The following LRRTM4 variants were observed in gnomAD, a reference collection of about 807,000 sequenced individuals.
The protein encoded by LRRTM4 is leucine rich repeat transmembrane neuronal 4, also known as leucine-rich repeat transmembrane neuronal protein 4.
LRRTM4 carries 25 observed loss-of-function variants against 47.6 expected under a neutral mutation model. That is an observed-to-expected ratio of 0.53 (90% CI 0.38 to 0.73). The LOEUF is 0.73. Ranked by LOEUF, LRRTM4 falls within the 30% of genes least tolerant of loss-of-function variation. LRRTM4 has a pLI of 0.00. For missense variants in LRRTM4, 638 were observed against 713.4 expected, an observed-to-expected ratio of 0.89 and a Z score of 1.20; for synonymous variants, 311 against 269.5, an observed-to-expected ratio of 1.15 and a Z score of -1.51.
chr2:76,916,384 CAAAAAAAAAAAAA>C (rs57874749), intron 3 of LRRTM4, among the ~76,000 whole-genome samples: 5 of 53,500 alleles, frequency 9.3e-5, no homozygotes, highest in African/African-American at 4.0e-4. Context: ...GACTGTGTCT[CAAAAAAAAAAAAA>C]AAAAAAAAAA....
At chr2:77,171,854 C>T (rs1445038458) in intron 3 of LRRTM4, among the ~76,000 whole-genome samples, 1 of 152,024 alleles carries the variant, frequency 6.6e-6, no homozygotes, top group African/African-American at 2.4e-5. Context: ...ACAAAGGCCA[C>T]TCTAGATATT....
chr2:77,022,228 A>G (rs116774136), intron 3 of LRRTM4, among the ~76,000 whole-genome samples: 1 of 152,090 alleles, frequency 6.6e-6, no homozygotes, highest in Non-Finnish European at 1.5e-5. Flanking sequence ...CTACCATGGG[A>G]ACAGTATGAG....
chr2:77,016,380 A>C (rs1189508161), intron 3 of LRRTM4, among the ~76,000 whole-genome samples: 1 of 130,664 alleles, frequency 7.7e-6, no homozygotes, highest in African/African-American at 3.1e-5. Context: ...GGAGAACTCC[A>C]TTTAAAAAAA....
At position 77,241,245 on chromosome 2, in the gene LRRTM4, CAT is replaced by C. The variant is rs1196568621; in HGVS notation, c.1551+277071_1551+277072del. On this transcript the variant is annotated intron_variant, in intron 3 of 3. Coordinates refer to ENST00000409884, the MANE Select transcript of LRRTM4 (RefSeq NM_001134745.3). ...ACACACACACACACACACACACACA[CAT>C]GGGTCTAGAAACAAACCTAAATATA... Among the ~76,000 whole-genome samples the C allele has an allele frequency of 7.6e-3, 262 of 34,588 alleles. 3 individuals are homozygous for C. The highest frequency in any genetic ancestry group is 0.017 in the South Asian group (23 of 1,332). 22.7% of individuals were successfully genotyped at this position (34,588 alleles called of 152,430 possible).
At position 76,857,301 on chromosome 2, in the gene LRRTM4, G is replaced by GTATATATTATA. The variant is rs2103994721; in HGVS notation, c.1552-108386_1552-108385insTATAATATATA. On this transcript the variant is annotated intron_variant, in intron 3 of 3. Coordinates refer to ENST00000409884, the MANE Select transcript of LRRTM4 (RefSeq NM_001134745.3). ...CTAGATACCTTGTTGTAAAAACACA[G>GTATATATTATA]TATATATAATATATATATAATATAT... 2.1e-5 allele frequency among the ~76,000 whole-genome samples: 3 copies of GTATATATTATA among 146,104 alleles called. No homozygotes were observed. In the South Asian group the frequency reaches 6.4e-4, roughly 31 times the overall value.
chr2:77,511,470 T>C (rs906577232), intron 3 of LRRTM4, among the ~76,000 whole-genome samples: 1 of 151,980 alleles, frequency 6.6e-6, no homozygotes, highest in Non-Finnish European at 1.5e-5. Flanking sequence ...TTTATTTCCA[T>C]GTACAAACAA....
intron 3 of LRRTM4, among the ~76,000 whole-genome samples, chr2:77,002,094 T>C (rs1451572578): frequency 6.6e-6 from 1 of 152,182 alleles, no homozygotes; most frequent in African/African-American, 2.4e-5. Flanking sequence ...ATGATGACTT[T>C]GCAAATCTTC....
intron 3 of LRRTM4, among the ~76,000 whole-genome samples, chr2:76,762,112 C>A (rs1673280904): frequency 6.6e-6 from 1 of 152,158 alleles, no homozygotes; most frequent in South Asian, 2.1e-4. Context: ...ATTTACTTGG[C>A]TCTAACTGTT....
chr2:77,407,602 T>G (rs1573372508), intron 3 of LRRTM4, among the ~76,000 whole-genome samples: 2 of 141,808 alleles, frequency 1.4e-5, no homozygotes, highest in Middle Eastern at 3.6e-3. Flanking sequence ...TTTGTATACA[T>G]AATATAATAT....
chr2:77,159,441 C>T (rs1267210049), intron 3 of LRRTM4, among the ~76,000 whole-genome samples: 1 of 150,214 alleles, frequency 6.7e-6, no homozygotes, highest in Admixed American at 6.7e-5. Flanking sequence ...TTAATGGGTG[C>T]AGCACACCAA....
chr2:76,754,691 G>T (rs376299778), intron 3 of LRRTM4, among the ~76,000 whole-genome samples: 1 of 152,132 alleles, frequency 6.6e-6, no homozygotes, highest in African/African-American at 2.4e-5. Flanking sequence ...AATAGGTGAG[G>T]TGTCTACTTC....
At chr2:77,169,369 T>C (rs1332012585) in intron 3 of LRRTM4, among the ~76,000 whole-genome samples, 2 of 152,172 alleles carry the variant, frequency 1.3e-5, no homozygotes, top group Non-Finnish European at 2.9e-5. Flanking sequence ...AAATTCCATT[T>C]TGTTCATTTA....
rs1468302149 is a variant in LRRTM4 at position 77,457,002 on chromosome 2, GTGTATA to G, written c.1551+61310_1551+61315del. Among the ~76,000 whole-genome samples the G allele has an allele frequency of 2.3e-3, 29 of 12,584 alleles. 1 individual carries two copies. The highest frequency in any genetic ancestry group is 9.1e-3 in the African/African-American group (24 of 2,640). 8.3% of individuals were successfully genotyped at this position (12,584 alleles called of 152,430 possible). A position where few individuals can be genotyped will look rare whatever the true frequency, so the allele number is the denominator to read the frequency against. On this transcript the variant is annotated intron_variant, in intron 3 of 3. Transcript: ENST00000409884. The stretch of plus-strand genomic sequence containing the variant: ...TGTATATATTAGTGTATGTGTGTGT[GTGTATA>G]TATATATATATATATATATATATAT...
At chr2:76,896,151 G>A (rs1036851635) in intron 3 of LRRTM4, among the ~76,000 whole-genome samples, 14 of 151,972 alleles carry the variant, frequency 9.2e-5, no homozygotes, top group African/African-American at 2.9e-4. Context: ...TAAAATTAAT[G>A]TAAGTATTTA....
At chr2:77,073,327 G>A (rs1041472026) in intron 3 of LRRTM4, among the ~76,000 whole-genome samples, 3 of 151,880 alleles carry the variant, frequency 2.0e-5, no homozygotes, top group Non-Finnish European at 4.4e-5. Flanking sequence ...AAATAGGCCA[G>A]AAATTAAATA....
chr2:76,784,918 C>T (rs1015824561), intron 3 of LRRTM4, among the ~76,000 whole-genome samples: 11 of 152,018 alleles, frequency 7.2e-5, no homozygotes, highest in East Asian at 1.9e-4. Context: ...TAATTCAGTT[C>T]GAATAGAGAT....
chr2:76,912,404 A>C (rs749309136), intron 3 of LRRTM4, among the ~76,000 whole-genome samples: 20 of 152,188 alleles, frequency 1.3e-4, no homozygotes, highest in Non-Finnish European at 1.9e-4. Flanking sequence ...TTTCTTACAA[A>C]TATTTAGCTG....
chr2:77,510,362 T>C (rs757812938), intron 3 of LRRTM4, among the ~76,000 whole-genome samples: 7 of 152,100 alleles, frequency 4.6e-5, no homozygotes, highest in Non-Finnish European at 1.0e-4. Flanking sequence ...AGAATTGAAA[T>C]GCAAATATAG....
Position 77,140,917 on chromosome 2 carries a change from G to A in LRRTM4, c.1551+377401C>T, listed in dbSNP as rs575381647. 2.2e-3 allele frequency among the ~76,000 whole-genome samples: 331 copies of A among 152,144 alleles called. 6 individuals carry two copies. The highest frequency in any genetic ancestry group is 7.3e-3 in the African/African-American group (303 of 41,510). ...CAGAGAAATGAAAATCAAAACCACAGTGAGATACCATCTCACACCAGTTAG... is the reference window on the plus strand; with the variant it reads ...CAGAGAAATGAAAATCAAAACCACAATGAGATACCATCTCACACCAGTTAG... On this transcript the variant is annotated intron_variant, in intron 3 of 3. Coordinates refer to ENST00000409884, the MANE Select transcript of LRRTM4 (RefSeq NM_001134745.3).
Sources: gnomAD v4.1 joint callset for allele counts (sites outside exome capture counted in the v4.1 genomes callset) on GRCh38, gnomAD v4.1.1 for gene constraint, MANE v1.5 for transcripts, NCBI Gene and HGNC (gene_info 2026-07-23, HGNC 2026-07-21) for gene names.